The following TMED7 variants were observed in gnomAD, a reference collection of about 807,000 sequenced individuals.
The protein encoded by TMED7 is transmembrane p24 trafficking protein 7, also known as transmembrane emp24 domain-containing protein 7.
A neutral mutation model predicts 23.4 loss-of-function variants in TMED7; 8 were observed. The ratio of observed to expected loss-of-function variants is 0.34; its 90% confidence interval spans 0.20 to 0.62. TMED7 has a LOEUF of 0.62. Among genes scored for constraint, TMED7 ranks in the 20% least tolerant of loss-of-function variants. TMED7 has a pLI of 0.77. For synonymous variants in TMED7, 121 were observed against 108.5 expected (o/e 1.12, Z -0.72); for missense variants, 232 against 279.1 (o/e 0.83, Z 1.20).
At chr5:115,616,506 T>C in intron 2 of TMED7, 61 bp from the exon 3 acceptor site, 1 of 1,600,038 alleles carries the variant, frequency 6.2e-7, no homozygotes, top group African/African-American at 1.3e-5. Flanking sequence ...ATCTATCATA[T>C]TCAGCTTTTC....
Position 115,616,165 on chromosome 5 carries a change from A to G in TMED7, c.*44T>C. ...CAGTACCTAAAATTAATTAGAGGAC[A>G]GCAATATTACAGTGGCAATGGTGCA... On this transcript the variant is annotated 3_prime_UTR_variant, in exon 3 of 3. Transcript: ENST00000456936. 6.4e-7 allele frequency: 1 copy of G among 1,553,714 alleles called. No homozygotes were observed. The highest frequency in any genetic ancestry group is 8.9e-7 in the Non-Finnish European group (1 of 1,127,228).
rs1429203779 is a variant in TMED7 at position 115,625,675 on chromosome 5, CGAA to C, written c.115_117del (p.Phe39del). On this transcript the variant is annotated inframe_deletion, in exon 1 of 3. Coordinates refer to ENST00000456936, the MANE Select transcript of TMED7 (RefSeq NM_181836.6). ...CACTGCTTGGCGTTGTCAGGAAGCTCGAAGGTGATCTCAGAGGCGCCGCCGGGT... is the reference window on the plus strand; with the variant it reads ...CACTGCTTGGCGTTGTCAGGAAGCTCGGTGATCTCAGAGGCGCCGCCGGGT... 2.5e-6 allele frequency: 4 copies of C among 1,603,254 alleles called. No individual in the cohort carries two copies.
At chr5:115,625,444 TAGAGG>T (rs1424165831) in intron 1 of TMED7, among the ~76,000 whole-genome samples, 152 bp downstream of exon 1, 2 of 152,208 alleles carry the variant, frequency 1.3e-5, no homozygotes, top group Non-Finnish European at 2.9e-5. Context: ...CAAGGTTTAT[TAGAGG>T]AAAGTCAAAT....
intron 1 of TMED7, among the ~76,000 whole-genome samples, chr5:115,623,030 T>C (rs1267429499): frequency 1.3e-5 from 2 of 152,182 alleles, no homozygotes; most frequent in East Asian, 3.8e-4. Flanking sequence ...CTATGTAAGC[T>C]CTCTGAGGTC....
chr5:115,620,392 CT>C (rs1403455333), intron 2 of TMED7, 42 bp downstream of exon 2: 1 of 1,450,176 alleles, frequency 6.9e-7, no homozygotes, highest in East Asian at 2.5e-5. Context: ...TTTTTTCCTC[CT>C]TTTAAATATA....
chr5:115,621,507 G>C (rs1218819622), intron 1 of TMED7, among the ~76,000 whole-genome samples: 2 of 152,136 alleles, frequency 1.3e-5, no homozygotes, highest in Non-Finnish European at 2.9e-5. Context: ...AGTACTTAAT[G>C]GCAAACATAC....
intron 1 of TMED7, among the ~76,000 whole-genome samples, chr5:115,625,343 A>C (rs1210438143): frequency 1.3e-5 from 2 of 152,214 alleles, no homozygotes; most frequent in African/African-American, 4.8e-5. Flanking sequence ...AAGAAAGTTC[A>C]ATAGGCCTTA....
chr5:115,617,388 T>A (rs939840662), intron 2 of TMED7, among the ~76,000 whole-genome samples: 2 of 152,190 alleles, frequency 1.3e-5, no homozygotes, highest in Non-Finnish European at 2.9e-5. Context: ...AAAGTAAGTA[T>A]GAAAGGAATA....
intron 1 of TMED7, among the ~76,000 whole-genome samples, chr5:115,621,802 C>A (rs1181083518): frequency 2.6e-5 from 4 of 152,146 alleles, no homozygotes; most frequent in South Asian, 2.1e-4. Context: ...GGTTCCCAAA[C>A]CACCATGTGA....
chr5:115,625,865 GGCAGGCCTCAGC>G lies in TMED7; in HGVS notation c.-85_-74del, dbSNP rs1757198598. The G allele has an allele frequency of 7.5e-7, 1 of 1,334,010 alleles. No homozygotes were observed. The highest frequency in any genetic ancestry group is 9.5e-7 in the Non-Finnish European group (1 of 1,049,152). 82.6% of individuals were successfully genotyped at this position (1,334,010 alleles called of 1,614,324 possible). Reference sequence around the variant, plus strand: ...AGGTCTGCGCGGACTCACCGCGCGCGGCAGGCCTCAGCGCAGGCCACCCCGCAAAGATACACA... The same window carrying G: ...AGGTCTGCGCGGACTCACCGCGCGCGGCAGGCCACCCCGCAAAGATACACA... On this transcript the variant is annotated 5_prime_UTR_variant, in exon 1 of 3. Transcript: ENST00000456936.
rs1756992515 is a variant in TMED7, at chr5:115,620,552, T to G, written c.321A>C (p.Lys107Asn). ...TFTASKNGTY[K>N]FCFSNEFSTF... Reference sequence around the variant, plus strand: ...TAGAAAATTCATTGCTGAAGCAAAATTTGTATGTCCCATTTTTGGAGGCTG... The same window carrying G: ...TAGAAAATTCATTGCTGAAGCAAAAGTTGTATGTCCCATTTTTGGAGGCTG... Residue 107 changes from lysine to asparagine, a missense_variant, in exon 2 of 3, where the codon AAA becomes AAC. This residue lies in a region of TMED7 where 126 missense variants were observed against 182.1 expected (regional missense o/e 0.69). Transcript: ENST00000456936. 10 of 1,607,482 alleles carry G rather than the reference T, an allele frequency of 6.2e-6. No homozygotes were observed. The highest frequency in any genetic ancestry group is 8.5e-6 in the Non-Finnish European group (10 of 1,177,688).
rs998619370 is a variant in TMED7 at position 115,625,930 on chromosome 5, T to C, written c.-138A>G. 3 of 1,202,722 alleles carry C rather than the reference T, an allele frequency of 2.5e-6. No homozygotes were observed. Among genetic ancestry groups the C allele is most frequent in the Non-Finnish European group, 3.2e-6 (3 of 949,532 alleles). The allele number at this position is 1,202,722 out of a possible 1,614,324, so 74.5% of individuals were successfully genotyped here. A position where few individuals can be genotyped will look rare whatever the true frequency, so the allele number is the denominator to read the frequency against. ...AGAGCAGGTTCACGCCTGTGGGAGA[T>C]TCGGGATCAGAGCGACCCTCCGGCT... is the stretch of plus-strand genomic sequence containing the variant. On this transcript the variant is annotated 5_prime_UTR_variant, in exon 1 of 3. Transcript: ENST00000456936.
At chr5:115,619,767 T>C (rs1360278896) in intron 2 of TMED7, among the ~76,000 whole-genome samples, 1 of 152,154 alleles carries the variant, frequency 6.6e-6, no homozygotes, top group Non-Finnish European at 1.5e-5. Context: ...AAAAAAGTTT[T>C]GGATTTTGAA....
chr5:115,626,009 A>C lies in TMED7; in HGVS notation c.-217T>G. On this transcript the variant is annotated 5_prime_UTR_variant, in exon 1 of 3. Transcript: ENST00000456936. ...TGGGGAGGTAAAAGAGAAGCGGAAA[A>C]GGCCTGAGAGGGTCGGAAGTGGGGA... 2 of 524,358 alleles carry C rather than the reference A, an allele frequency of 3.8e-6. No homozygotes were observed. The highest frequency in any genetic ancestry group is 5.9e-6 in the Non-Finnish European group (2 of 341,872). 32.5% of individuals were successfully genotyped at this position (524,358 alleles called of 1,614,324 possible).
chr5:115,616,568 T>C, intron 2 of TMED7, 123 bp from the exon 3 acceptor site: 2 of 1,404,742 alleles, frequency 1.4e-6, no homozygotes, highest in Non-Finnish European at 1.9e-6. Flanking sequence ...TAATCTGGCA[T>C]TCATTCATAC....
At chr5:115,620,099 T>C (rs1756971786) in intron 2 of TMED7, 1 of 176,454 alleles carries the variant, frequency 5.7e-6, no homozygotes, top group Non-Finnish European at 1.2e-5. Flanking sequence ...GACAGCAACA[T>C]TCCTTCAGGG....
rs549730560 is a variant in TMED7, at chr5:115,613,343, C to T, written c.*2866G>A. Among the ~76,000 whole-genome samples the T allele has an allele frequency of 1.6e-4, 24 of 152,232 alleles. No homozygotes were observed. In the South Asian group the frequency reaches 2.5e-3, roughly 16 times the overall value. Reference sequence around the variant, plus strand: ...AAGGTTACAAATTAGGCAGTACAGACGTGGTATTTCTCTTTCACCTTCTTT... The same window carrying T: ...AAGGTTACAAATTAGGCAGTACAGATGTGGTATTTCTCTTTCACCTTCTTT... On this transcript the variant is annotated 3_prime_UTR_variant, in exon 3 of 3. Coordinates refer to ENST00000456936, the MANE Select transcript of TMED7 (RefSeq NM_181836.6).
intron 2 of TMED7, among the ~76,000 whole-genome samples, chr5:115,619,429 T>C (rs920636544): frequency 2.6e-5 from 4 of 152,204 alleles, no homozygotes; most frequent in African/African-American, 7.2e-5. Flanking sequence ...GTTTAAGATG[T>C]TAACGAATAA....
intron 1 of TMED7, among the ~76,000 whole-genome samples, chr5:115,621,667 A>G (rs1348639612): frequency 6.6e-6 from 1 of 152,188 alleles, no homozygotes; most frequent in African/African-American, 2.4e-5. Flanking sequence ...TAAGTATTGT[A>G]AGAGACAAAA....
Sources: gnomAD v4.1 joint callset for allele counts (sites outside exome capture counted in the v4.1 genomes callset) on GRCh38, gnomAD v4.1.1 for gene constraint, gnomAD v4.1.1 regional missense constraint, MANE v1.5 for transcripts, NCBI Gene and HGNC (gene_info 2026-07-23, HGNC 2026-07-21) for gene names.